The following PRKDC variants were observed in gnomAD, a reference collection of about 807,000 sequenced individuals.
The protein encoded by PRKDC is DNA-dependent protein kinase catalytic subunit.
In PRKDC, 82 loss-of-function variants were observed where a neutral mutation model predicts 486.9. The ratio of observed to expected loss-of-function variants is 0.17; its 90% CI spans 0.14 to 0.20. PRKDC has a LOEUF of 0.20. Ranked by LOEUF, PRKDC falls within the 10% of genes least tolerant of loss-of-function variation. The pLI, the probability that PRKDC is intolerant of heterozygous loss-of-function variation, is 1.00. For synonymous variants in PRKDC, 1,895 were observed against 1,837.0 expected (o/e 1.03, Z -0.81); for missense variants, 4,504 against 5,038.2 (o/e 0.89, Z 3.21).
intron 21 of PRKDC, among the ~76,000 whole-genome samples, chr8:47,923,195 C>T (rs2090101554): frequency 1.3e-5 from 2 of 151,802 alleles, no homozygotes; most frequent in African/African-American, 4.8e-5. Context: ...TCCCAAGTAG[C>T]TGGGATTACA....
chr8:47,953,952 C>T, intron 5 of PRKDC, 33 bp from the exon 6 acceptor site: 1 of 1,276,900 alleles, frequency 7.8e-7, no homozygotes, highest in Non-Finnish European at 1.1e-6. Context: ...GTGAAGGCCT[C>T]AAACTACATT....
intron 59 of PRKDC, 119 bp from the exon 60 acceptor site, chr8:47,832,045 C>G: frequency 2.3e-6 from 2 of 852,946 alleles, no homozygotes; most frequent in Non-Finnish European, 1.9e-6. Flanking sequence ...AGGCAGCGAC[C>G]GGGAGCAGGA....
chr8:47,823,785 G>C (rs1253270108), intron 64 of PRKDC, 73 bp downstream of exon 64: 2 of 1,545,728 alleles, frequency 1.3e-6, no homozygotes, highest in Non-Finnish European at 1.8e-6. Context: ...ACCTCGTTTT[G>C]CTTAAAGTCA....
At chr8:47,841,550 G>A (rs1270647340) in intron 54 of PRKDC, among the ~76,000 whole-genome samples, 2 of 152,212 alleles carry the variant, frequency 1.3e-5, no homozygotes, top group Admixed American at 1.3e-4. Flanking sequence ...ATTCCAAGGG[G>A]ACAGAGGACA....
At chr8:47,847,519 A>G (rs542820570) in intron 54 of PRKDC, among the ~76,000 whole-genome samples, 5 of 152,230 alleles carry the variant, frequency 3.3e-5, no homozygotes, top group Non-Finnish European at 7.3e-5. Flanking sequence ...CTTCAATGTA[A>G]GACTTCAAAT....
chr8:47,835,620 CAAAAAAAAAAAA>C (rs71548446), intron 58 of PRKDC, among the ~76,000 whole-genome samples: 59 of 20,484 alleles, frequency 2.9e-3, no homozygotes, highest in South Asian at 0.019. Context: ...GACTCTGTCT[CAAAAAAAAAAAA>C]AAAAAAAAAA....
In PRKDC at chr8:47,785,186, C is replaced by G. The variant is rs573050550; in HGVS notation, c.11034G>C (p.Gly3678=). 2.7e-5 allele frequency: 44 copies of G among 1,613,902 alleles called. No individual in the cohort carries two copies. The Middle Eastern group carries it at 6.6e-4, about 24-fold the overall frequency. Residue 3678 remains glycine, a synonymous_variant, in exon 77 of 86, where the codon GGG becomes GGC. Transcript: ENST00000314191. The part of the protein sequence containing the change: ...LKMNKDSKPP[G]NLKECSPWMS... ...TCCAGGGTGAACATTCTTTCAGATT[C>G]CCAGGGGGCTTTGAGTCTTTGTTCA...
At chr8:47,932,965 CAA>C in intron 16 of PRKDC, 53 bp downstream of exon 16, 1 of 1,459,204 alleles carries the variant, frequency 6.9e-7, no homozygotes, top group Non-Finnish European at 9.3e-7. Flanking sequence ...TATTTATATG[CAA>C]AGACAGCTGA....
chr8:47,921,934 C>T (rs1043980761), intron 21 of PRKDC, among the ~76,000 whole-genome samples: 3 of 152,228 alleles, frequency 2.0e-5, no homozygotes, highest in East Asian at 1.9e-4. Context: ...GTGTGTGCCA[C>T]CACACCCAGA....
chr8:47,792,499 C>T (rs979297584), intron 74 of PRKDC, among the ~76,000 whole-genome samples: 4 of 152,056 alleles, frequency 2.6e-5, no homozygotes, highest in Admixed American at 2.6e-4. Context: ...ACCTCCTGAT[C>T]CGCCCACTTC....
At chr8:47,907,383 C>T (rs1216799699) in intron 25 of PRKDC, among the ~76,000 whole-genome samples, 2 of 146,488 alleles carry the variant, frequency 1.4e-5, no homozygotes, top group African/African-American at 5.2e-5. Flanking sequence ...TTTTTTAATA[C>T]ATGTATACAT....
intron 67 of PRKDC, 33 bp downstream of exon 67, chr8:47,819,369 A>G: frequency 7.5e-7 from 1 of 1,330,352 alleles, no homozygotes; most frequent in African/African-American, 1.5e-5. Flanking sequence ...CCACAATTAG[A>G]AATGAAAAAA....
At position 47,898,543 on chromosome 8, in the gene PRKDC, T is replaced by C. The variant is rs915754582; in HGVS notation, c.3391A>G (p.Ile1131Val). ...TCAATGATGCGGCATAGGTGATCAA[T>C]GGCATCACAACACTGTTGAATTGTA... ...LGTIQQCCDA[I>V]DHLCRIIEKK... Residue 1131 changes from isoleucine to valine, a missense_variant, in exon 29 of 86, where the codon ATT (isoleucine) becomes GTT (valine). Ile to Val is a conservative substitution (Grantham distance 29, BLOSUM62 3). Transcript: ENST00000314191. 3.9e-5 allele frequency: 59 copies of C among 1,525,672 alleles called. No individual in the cohort carries two copies. The highest frequency in any genetic ancestry group is 5.0e-5 in the Non-Finnish European group (56 of 1,121,054). 94.5% of individuals were successfully genotyped at this position (1,525,672 alleles called of 1,614,324 possible). A position where few individuals can be genotyped will look rare whatever the true frequency, so the allele number is the denominator to read the frequency against.
At chr8:47,822,709 G>A (rs1281015553) in intron 64 of PRKDC, among the ~76,000 whole-genome samples, 1 of 152,158 alleles carries the variant, frequency 6.6e-6, no homozygotes, top group African/African-American at 2.4e-5. Flanking sequence ...AGAATGGCGT[G>A]AACCCGGAAG....
chr8:47,799,077 C>A (rs771596998), intron 72 of PRKDC, 133 bp downstream of exon 72: 18 of 1,238,872 alleles, frequency 1.5e-5, no homozygotes, highest in Non-Finnish European at 1.9e-5. Flanking sequence ...GCCATTGTCT[C>A]TTAAAAAGAC....
Position 47,836,531 on chromosome 8 carries a change from T to C in PRKDC, c.7762-4A>G, listed in dbSNP as rs779888372. On this transcript the variant is annotated splice_region_variant and splice_polypyrimidine_tract_variant and intron_variant, in intron 57 of 85. Coordinates refer to ENST00000314191, the MANE Select transcript of PRKDC (RefSeq NM_006904.7). ...AATCAGAATCAATGGTATATTCCTG[T>C]ACATAAGAAAGTTTCAAATGAAATA... is the stretch of plus-strand genomic sequence containing the variant. 7 of 1,580,678 alleles carry C rather than the reference T, an allele frequency of 4.4e-6. No individual in the cohort carries two copies. The African/African-American group carries it at 8.1e-5, about 18-fold the overall frequency.
chr8:47,900,330 C>T, intron 28 of PRKDC, 43 bp downstream of exon 28: 1 of 1,467,276 alleles, frequency 6.8e-7, no homozygotes, highest in Non-Finnish European at 9.2e-7. Flanking sequence ...TGGGGAAACT[C>T]TTCAGACCTG....
At position 47,823,850 on chromosome 8, in the gene PRKDC, A is replaced by C; in HGVS notation, c.8922+8T>G. On this transcript the variant is annotated splice_region_variant and intron_variant, in intron 64 of 85. Coordinates refer to ENST00000314191, the MANE Select transcript of PRKDC (RefSeq NM_006904.7). The stretch of plus-strand genomic sequence containing the variant: ...TAAATGTCATATTTTGCCAGAGATC[A>C]ATTTTACCTCATCATACTGCTTAGC... 6.2e-7 allele frequency: 1 copy of C among 1,612,672 alleles called. No individual in the cohort carries two copies. Among genetic ancestry groups the C allele is most frequent in the South Asian group, 1.1e-5 (1 of 90,864 alleles).
At chr8:47,838,100 C>T (rs749033815) in intron 56 of PRKDC, among the ~76,000 whole-genome samples, 4 of 152,102 alleles carry the variant, frequency 2.6e-5, no homozygotes, top group Middle Eastern at 3.2e-3. Flanking sequence ...CATGCTACTG[C>T]ACTCCAGCCT....
Sources: allele counts gnomAD v4.1 joint callset (sites outside exome capture counted in the v4.1 genomes callset), GRCh38; gene constraint gnomAD v4.1.1; transcripts MANE v1.5; gene names NCBI Gene and HGNC (gene_info 2026-07-23, HGNC 2026-07-21).